The following ZFHX3 variants were observed in gnomAD, a reference collection of about 807,000 sequenced individuals.
ZFHX3 encodes zinc finger homeobox 3.
ZFHX3 carries 42 observed loss-of-function variants against 279.1 expected under a neutral mutation model. The observed-to-expected ratio is 0.15, with a 90% CI of 0.12 to 0.19. The LOEUF (loss-of-function observed/expected upper bound fraction) is 0.19, where lower values mean the gene tolerates loss of function less well. ZFHX3 is among the 10% of genes least tolerant of loss of function. The pLI, the probability that ZFHX3 is intolerant of heterozygous loss-of-function variation, is 1.00. For synonymous variants in ZFHX3, 2,293 were observed against 1,957.8 expected (o/e 1.17, Z -4.52); for missense variants, 4,981 against 4,754.0 (o/e 1.05, Z -1.40).
At chr16:73,167,077 G>C (rs1484010128) in intron 5 of ZFHX3, among the ~76,000 whole-genome samples, 1 of 152,186 alleles carries the variant, frequency 6.6e-6, no homozygotes, top group Non-Finnish European at 1.5e-5. Context: ...TCTCTGCCCT[G>C]CAAAGATGAT....
At chr16:73,124,923 T>G (rs9922206) in intron 7 of ZFHX3, among the ~76,000 whole-genome samples, 53,226 of 152,002 alleles carry the variant, frequency 0.35, 9,900 homozygotes, top group African/African-American at 0.47. Context: ...TGATCTAACT[T>G]CTTCCTCTTG....
intron 2 of ZFHX3, among the ~76,000 whole-genome samples, chr16:73,665,315 G>A (rs560616903): frequency 1.5e-4 from 23 of 151,152 alleles, no homozygotes; most frequent in Admixed American, 1.5e-3. Flanking sequence ...CCAGGTCCAA[G>A]TAATTATCCT....
chr16:73,120,897 G>T (rs765345679), intron 7 of ZFHX3, among the ~76,000 whole-genome samples: 3 of 151,080 alleles, frequency 2.0e-5, no homozygotes, highest in East Asian at 2.0e-4. Context: ...CTTGTGATCC[G>T]CCCACCTCGG....
chr16:73,434,920 A>G (rs1039874795), intron 3 of ZFHX3, among the ~76,000 whole-genome samples: 3 of 152,144 alleles, frequency 2.0e-5, no homozygotes, highest in African/African-American at 7.2e-5. Flanking sequence ...ACACCTGCCT[A>G]CTAGAGTCGT....
chr16:73,844,761 G>A (rs1210012361), intron 1 of ZFHX3, among the ~76,000 whole-genome samples: 3 of 151,686 alleles, frequency 2.0e-5, no homozygotes, highest in Non-Finnish European at 4.4e-5. Context: ...GATACTAGAT[G>A]ACAGAGATAG....
chr16:73,617,605 T>C (rs2052317685), intron 2 of ZFHX3, among the ~76,000 whole-genome samples: 1 of 152,192 alleles, frequency 6.6e-6, no homozygotes, highest in Non-Finnish European at 1.5e-5. Flanking sequence ...GTTTCTTTAT[T>C]AAAATTTATG....
chr16:73,393,997 A>G (rs11864837), intron 3 of ZFHX3, among the ~76,000 whole-genome samples: 2,515 of 148,402 alleles, frequency 0.017, 75 homozygotes, highest in African/African-American at 0.058. Flanking sequence ...TATGTGATAT[A>G]TGTATACATA....
At chr16:72,807,124 T>TCTTTCAGGA (rs1263351605) in intron 7 of ZFHX3, 6 of 152,098 alleles carry the variant, frequency 3.9e-5, no homozygotes, top group Non-Finnish European at 8.8e-5. Flanking sequence ...AATGGGAAAA[T>TCTTTCAGGA]AAGGGCACCG....
chr16:73,261,710 T>C (rs888583811), intron 4 of ZFHX3, among the ~76,000 whole-genome samples: 8 of 148,586 alleles, frequency 5.4e-5, no homozygotes, highest in Non-Finnish European at 1.0e-4. Flanking sequence ...AGTTTCACTC[T>C]TGTTGCCCAG....
rs776571318 is a variant in ZFHX3 at position 73,340,387 on chromosome 16, C to G, written c.-1290-22051G>C. ...TTTATTTACTTATTCAGAAACAGGT[C>G]TTGCTCTGTCACCCAGGCTGGAGTG... is the stretch of plus-strand genomic sequence containing the variant. On this transcript the variant is annotated intron_variant, in intron 3 of 17. Coordinates refer to the ZFHX3 transcript ENST00000641206. 1.2e-3 allele frequency among the ~76,000 whole-genome samples: 179 copies of G among 152,340 alleles called. 1 individual carries two copies. The highest frequency in any genetic ancestry group is 2.4e-3 in the Admixed American group (36 of 15,308).
intron 2 of ZFHX3, among the ~76,000 whole-genome samples, chr16:73,603,694 C>T (rs2052147386): frequency 1.3e-5 from 2 of 150,622 alleles, no homozygotes; most frequent in African/African-American, 4.9e-5. Flanking sequence ...AGAAAGAATA[C>T]ATTAATTATT....
intron 5 of ZFHX3, among the ~76,000 whole-genome samples, chr16:73,239,874 C>T (rs1368240137): frequency 6.6e-6 from 1 of 152,186 alleles, no homozygotes; most frequent in East Asian, 1.9e-4. Context: ...TTGCCACAGA[C>T]ACTGAGTTAG....
At chr16:73,155,282 C>A (rs895316937) in intron 5 of ZFHX3, among the ~76,000 whole-genome samples, 2 of 151,536 alleles carry the variant, frequency 1.3e-5, no homozygotes, top group African/African-American at 4.9e-5. Flanking sequence ...ACCAAAATAG[C>A]ACATGCTTAA....
chr16:73,035,753 G>A (rs62055068), intron 1 of ZFHX3, among the ~76,000 whole-genome samples: 4,123 of 152,130 alleles, frequency 0.027, 80 homozygotes, highest in Non-Finnish European at 0.042. Context: ...AAAATTAGCC[G>A]GGCATGGTGG....
exon 7 of ZFHX3, chr16:73,131,004 C>G: frequency 7.7e-7 from 1 of 1,305,272 alleles, no homozygotes; most frequent in Non-Finnish European, 1.0e-6. Context: ...GAGCTGGTGG[C>G]GCTGGTTCTG....
chr16:73,402,557 A>C (rs1369378160), intron 3 of ZFHX3: 1 of 152,252 alleles, frequency 6.6e-6, no homozygotes, highest in Non-Finnish European at 1.5e-5. Flanking sequence ...TCAAATGGTT[A>C]ACAGACCAGG....
At chr16:73,724,257 C>T (rs891425085) in intron 1 of ZFHX3, among the ~76,000 whole-genome samples, 6 of 152,166 alleles carry the variant, frequency 3.9e-5, no homozygotes, top group Non-Finnish European at 7.4e-5. Flanking sequence ...AAATTTAAAA[C>T]CTTTACTAGT....
rs528514645 is a variant in ZFHX3, at chr16:73,025,485, G to A, written c.-50+22267C>T. Among the ~76,000 whole-genome samples the A allele has an allele frequency of 1.7e-3, 252 of 152,346 alleles. 3 individuals are homozygous for A. Among genetic ancestry groups the A allele is most frequent in the African/African-American group, 5.8e-3 (240 of 41,578 alleles). ...CGTATTGTGGAGCCCTCACGGACTC[G>A]ATACAGCAGTATTGACAGCACAATC... On this transcript the variant is annotated intron_variant, in intron 1 of 9. Transcript: ENST00000268489.
chr16:73,019,562 C>A (rs1964227648), intron 1 of ZFHX3, among the ~76,000 whole-genome samples: 1 of 152,224 alleles, frequency 6.6e-6, no homozygotes, highest in South Asian at 2.1e-4. Flanking sequence ...TTTGCCTCCC[C>A]AAACCTGCCC....
Sources: allele counts gnomAD v4.1 joint callset (sites outside exome capture counted in the v4.1 genomes callset), GRCh38; gene constraint gnomAD v4.1.1; transcripts MANE v1.5; gene names NCBI Gene and HGNC (gene_info 2026-07-23, HGNC 2026-07-21).